The following NAA35 variants were observed in gnomAD, a reference collection of about 807,000 sequenced individuals.
NAA35 encodes MAK10 homolog, amino-acid N-acetyltransferase subunit.
A neutral mutation model predicts 101.7 loss-of-function variants in NAA35; 18 were observed. The observed-to-expected ratio is 0.18, with a 90% CI of 0.12 to 0.26. NAA35 has a LOEUF of 0.26. NAA35 is among the 10% of genes least tolerant of loss of function. The probability of loss-of-function intolerance (pLI) is 1.00; values close to 1 mark genes in which losing one functional copy is unlikely to be tolerated. For synonymous variants in NAA35, 267 were observed against 273.1 expected, an observed-to-expected ratio of 0.98 and a Z score of 0.22; for missense variants, 601 against 886.8, an observed-to-expected ratio of 0.68 and a Z score of 4.09.
chr9:85,991,131 A>G (rs1830888608), intron 11 of NAA35, among the ~76,000 whole-genome samples: 1 of 152,072 alleles, frequency 6.6e-6, no homozygotes, highest in African/African-American at 2.4e-5. Flanking sequence ...ACTGTATGTC[A>G]GGAGCCTAAG....
intron 6 of NAA35, among the ~76,000 whole-genome samples, chr9:85,966,005 C>T (rs935660935): frequency 7.2e-5 from 11 of 152,154 alleles, no homozygotes; most frequent in Admixed American, 6.5e-5. Context: ...GCGGCATGAT[C>T]GTAGCTCACT....
At chr9:85,955,838 G>A (rs2118330039) in intron 2 of NAA35, among the ~76,000 whole-genome samples, 1 of 152,276 alleles carries the variant, frequency 6.6e-6, no homozygotes, top group South Asian at 2.1e-4. Flanking sequence ...ACCCTAATAT[G>A]CAGCCAAGGT....
At chr9:86,012,095 C>A (rs1204170180) in intron 15 of NAA35, among the ~76,000 whole-genome samples, 2 of 148,768 alleles carry the variant, frequency 1.3e-5, no homozygotes, top group African/African-American at 5.0e-5. Context: ...TCAGGCATAT[C>A]ACTTTAATTT....
At chr9:86,003,071 T>A (rs979402420) in intron 12 of NAA35, among the ~76,000 whole-genome samples, 2 of 152,216 alleles carry the variant, frequency 1.3e-5, no homozygotes, top group African/African-American at 4.8e-5. Context: ...TATTTGAAGC[T>A]GACTTCTTGT....
intron 17 of NAA35, chr9:86,015,774 G>T: frequency 1.0e-6 from 1 of 975,264 alleles, no homozygotes; most frequent in Non-Finnish European, 1.2e-6. Flanking sequence ...TCACTCATGT[G>T]TCCTTAGGTT....
chr9:85,974,773 G>A (rs560597823), intron 6 of NAA35, among the ~76,000 whole-genome samples, 194 bp from the exon 7 acceptor site: 2 of 152,198 alleles, frequency 1.3e-5, no homozygotes, highest in South Asian at 4.1e-4. Context: ...ATTTGAATAT[G>A]GTGTTTTAAG....
chr9:85,945,194 C>T (rs1465846295), intron 2 of NAA35, among the ~76,000 whole-genome samples: 2 of 152,024 alleles, frequency 1.3e-5, no homozygotes, highest in Admixed American at 1.3e-4. Context: ...ATTTTGTGGC[C>T]AACATACCAT....
At chr9:86,018,542 A>T in intron 20 of NAA35, 147 bp downstream of exon 20, 1 of 1,320,072 alleles carries the variant, frequency 7.6e-7, no homozygotes, top group Non-Finnish European at 1.0e-6. Context: ...TGAGAATTAT[A>T]TATTACCTAG....
intron 2 of NAA35, among the ~76,000 whole-genome samples, chr9:85,952,965 C>T (rs939371845): frequency 6.6e-6 from 1 of 152,164 alleles, no homozygotes; most frequent in Non-Finnish European, 1.5e-5. Context: ...GATCCCAGCA[C>T]TTTAGGACGC....
intron 11 of NAA35, among the ~76,000 whole-genome samples, chr9:85,987,434 A>G (rs1436690064): frequency 1.3e-5 from 2 of 152,222 alleles, no homozygotes; most frequent in Admixed American, 6.5e-5. Flanking sequence ...ATGGCAGTGT[A>G]TTGTGCAACA....
intron 11 of NAA35, among the ~76,000 whole-genome samples, chr9:85,990,309 C>T (rs1314070376): frequency 6.6e-6 from 1 of 152,206 alleles, no homozygotes; most frequent in Non-Finnish European, 1.5e-5. Context: ...ACTCAGACAC[C>T]TCCTGTTAGG....
chr9:85,985,405 G>C (rs1162589455), intron 11 of NAA35, among the ~76,000 whole-genome samples: 1 of 152,214 alleles, frequency 6.6e-6, no homozygotes, highest in Non-Finnish European at 1.5e-5. Flanking sequence ...TATCCATGTA[G>C]TGGTGTATTA....
intron 17 of NAA35, 23 bp from the exon 18 acceptor site, chr9:86,016,516 A>G: frequency 6.2e-7 from 1 of 1,604,186 alleles, no homozygotes; most frequent in Non-Finnish European, 8.5e-7. Flanking sequence ...TCTACCATTA[A>G]CTAACATTTT....
At chr9:85,964,352 T>G (rs1829653001) in intron 6 of NAA35, among the ~76,000 whole-genome samples, 1 of 152,190 alleles carries the variant, frequency 6.6e-6, no homozygotes, top group Non-Finnish European at 1.5e-5. Context: ...TTGTGCCCAT[T>G]AAAGCCTTCT....
intron 17 of NAA35, chr9:86,015,544 C>T (rs1011298984): frequency 2.1e-4 from 39 of 188,154 alleles, no homozygotes; most frequent in Non-Finnish European, 3.1e-4. Context: ...CCTAGAATTC[C>T]TGACCTGTTA....
intron 22 of NAA35, among the ~76,000 whole-genome samples, chr9:86,021,180 G>A (rs766093027): frequency 5.3e-5 from 8 of 152,168 alleles, no homozygotes; most frequent in Admixed American, 1.3e-4. Flanking sequence ...CTGCCTATAC[G>A]TTTTCCATCT....
rs1039999947 is a variant in NAA35 at position 86,025,001 on chromosome 9, G to A, written c.*3041G>A. ...CTGAGGTGGTGGGACAGGCTGCAGG[G>A]AAGAATACCTCAAAATCATACGAGG... is the stretch of plus-strand genomic sequence containing the variant. On this transcript the variant is annotated 3_prime_UTR_variant, in exon 23 of 23. Transcript: ENST00000361671. 5.3e-5 allele frequency among the ~76,000 whole-genome samples: 8 copies of A among 152,162 alleles called. No homozygotes were observed. The highest frequency in any genetic ancestry group is 1.9e-4 in the African/African-American group (8 of 41,440).
chr9:86,005,137 A>G (rs1831576612), intron 13 of NAA35, among the ~76,000 whole-genome samples: 1 of 152,218 alleles, frequency 6.6e-6, no homozygotes, highest in East Asian at 1.9e-4. Flanking sequence ...AAATTCAACA[A>G]TATATAAAAA....
chr9:85,956,368 T>C lies in NAA35; in HGVS notation c.133T>C (p.Leu45=). The C allele has an allele frequency of 7.2e-7, 1 of 1,392,142 alleles. No homozygotes were observed. The highest frequency in any genetic ancestry group is 2.4e-5 in the Admixed American group (1 of 41,786). The allele number at this position is 1,392,142 out of a possible 1,614,324, so 86.2% of individuals were successfully genotyped here. A position where few individuals can be genotyped will look rare whatever the true frequency, so the allele number is the denominator to read the frequency against. The part of the protein sequence containing the change: ...DFEEACRELK[L]GELLHDKLFG... ...TCTCTTTTTTTTTTTAGAATTAAAGTTGGGAGAACTACTTCATGATAAGCT... is the reference window on the plus strand; with the variant it reads ...TCTCTTTTTTTTTTTAGAATTAAAGCTGGGAGAACTACTTCATGATAAGCT... The change falls in exon 3 of 23, where the codon TTG becomes CTG. Residue 45 remains leucine, a synonymous_variant. Transcript: ENST00000361671.
Sources: gnomAD v4.1 joint callset for allele counts (sites outside exome capture counted in the v4.1 genomes callset) on GRCh38, gnomAD v4.1.1 for gene constraint, MANE v1.5 for transcripts, NCBI Gene and HGNC (gene_info 2026-07-23, HGNC 2026-07-21) for gene names.